SCAPER: variants seen among roughly 807,000 people sequenced by gnomAD.
SCAPER encodes the protein S-phase cyclin A associated protein in the ER, also known as S phase cyclin A-associated protein in the endoplasmic reticulum.
In SCAPER, 98 loss-of-function variants were observed where a neutral mutation model predicts 182.2. That is an observed-to-expected ratio of 0.54 (90% CI 0.46 to 0.64). SCAPER has a LOEUF of 0.64. Ranked by LOEUF, SCAPER falls within the 30% of genes least tolerant of loss-of-function variation. The pLI, the probability that SCAPER is intolerant of heterozygous loss-of-function variation, is 0.00. For missense variants in SCAPER, 1,432 were observed against 1,690.0 expected, an observed-to-expected ratio of 0.85 and a Z score of 2.68; for synonymous variants, 605 against 564.6, an observed-to-expected ratio of 1.07 and a Z score of -1.01.
intron 23 of SCAPER, among the ~76,000 whole-genome samples, chr15:76,507,243 A>T (rs1276957578): frequency 1.3e-5 from 2 of 152,206 alleles, no homozygotes; most frequent in South Asian, 4.1e-4. Context: ...TTACACCTGC[A>T]CAGTCAAGAA....
chr15:76,581,518 C>T (rs142711526), intron 22 of SCAPER, among the ~76,000 whole-genome samples: 3 of 152,266 alleles, frequency 2.0e-5, no homozygotes, highest in Non-Finnish European at 2.9e-5. Context: ...GCAAAGCAAA[C>T]GATGTGATAC....
At chr15:76,802,947 T>C (rs1455520578) in intron 6 of SCAPER, among the ~76,000 whole-genome samples, 1 of 152,234 alleles carries the variant, frequency 6.6e-6, no homozygotes, top group Non-Finnish European at 1.5e-5. Context: ...ATTATCTATT[T>C]CTAGAGTATC....
intron 4 of SCAPER, among the ~76,000 whole-genome samples, chr15:76,851,115 G>T (rs2070713249): frequency 6.6e-6 from 1 of 151,928 alleles, no homozygotes; most frequent in African/African-American, 2.4e-5. Flanking sequence ...GAACTTGAAG[G>T]CTGGCTTTCT....
intron 20 of SCAPER, among the ~76,000 whole-genome samples, chr15:76,687,174 C>T (rs376678095): frequency 5.9e-5 from 9 of 151,962 alleles, no homozygotes; most frequent in African/African-American, 1.9e-4. Flanking sequence ...GGCATTCTTT[C>T]CATTTTGAGT....
chr15:76,374,036 A>G (rs996029825), intron 29 of SCAPER, among the ~76,000 whole-genome samples: 2 of 151,858 alleles, frequency 1.3e-5, no homozygotes, highest in African/African-American at 2.4e-5. Flanking sequence ...TAGGCTAGAT[A>G]AACCTTGCAA....
chr15:76,692,822 T>A (rs1203989086), intron 20 of SCAPER, among the ~76,000 whole-genome samples: 1 of 146,782 alleles, frequency 6.8e-6, no homozygotes, highest in East Asian at 2.0e-4. Context: ...ATAATGGACA[T>A]TAACAAAATA....
chr15:76,499,055 T>C (rs1334623767), intron 24 of SCAPER, among the ~76,000 whole-genome samples: 1 of 152,196 alleles, frequency 6.6e-6, no homozygotes, highest in African/African-American at 2.4e-5. Context: ...CCTACTGATG[T>C]GCTCTTATTC....
intron 23 of SCAPER, among the ~76,000 whole-genome samples, chr15:76,571,571 G>GA (rs2047436568): frequency 6.6e-6 from 1 of 152,094 alleles, no homozygotes; most frequent in African/African-American, 2.4e-5. Context: ...CAGAACTTTA[G>GA]AAAAATTATC....
chr15:76,379,166 CTCACATGCTGATGAAGAG>C (rs2042768501), intron 28 of SCAPER, among the ~76,000 whole-genome samples: 1 of 152,156 alleles, frequency 6.6e-6, no homozygotes, highest in Non-Finnish European at 1.5e-5. Flanking sequence ...TTTAGGTCCC[CTCACATGCTGATGAAGAG>C]TCAGAAAGAA....
At chr15:76,631,917 T>TACCCCTATCAGTC (rs2053148547) in intron 21 of SCAPER, among the ~76,000 whole-genome samples, 1 of 152,228 alleles carries the variant, frequency 6.6e-6, no homozygotes, top group South Asian at 2.1e-4. Context: ...CTCTTTCAGT[T>TACCCCTATCAGTC]ACCCCTATCA....
chr15:76,841,615 C>G, intron 5 of SCAPER, 119 bp downstream of exon 5: 3 of 1,034,706 alleles, frequency 2.9e-6, no homozygotes, highest in Non-Finnish European at 4.2e-6. Flanking sequence ...TCACTACACT[C>G]CAGCCTGGGC....
intron 5 of SCAPER, among the ~76,000 whole-genome samples, chr15:76,830,459 T>A (rs1309301660): frequency 6.6e-6 from 1 of 151,952 alleles, no homozygotes. Flanking sequence ...ATCTAAGCAT[T>A]TTATGACAGC....
At chr15:76,371,458 T>G (rs2042169302) in intron 29 of SCAPER, among the ~76,000 whole-genome samples, 1 of 151,884 alleles carries the variant, frequency 6.6e-6, no homozygotes, top group Non-Finnish European at 1.5e-5. Flanking sequence ...TTGCTGGGAT[T>G]ATAGGCGTGT....
intron 4 of SCAPER, among the ~76,000 whole-genome samples, chr15:76,845,266 A>C (rs1315452205): frequency 6.6e-6 from 1 of 152,198 alleles, no homozygotes; most frequent in Non-Finnish European, 1.5e-5. Context: ...CTAGTATCAT[A>C]CTGAATGTGG....
At chr15:76,567,281 T>G (rs574268219) in intron 23 of SCAPER, 2 of 449,562 alleles carry the variant, frequency 4.4e-6, no homozygotes, top group Non-Finnish European at 8.9e-6. Flanking sequence ...ATAATTTGTA[T>G]CTCCAGCTGT....
chr15:76,583,602 T>C (rs2404736), intron 22 of SCAPER, among the ~76,000 whole-genome samples: 60,551 of 151,976 alleles, frequency 0.4, 13,506 homozygotes, highest in Middle Eastern at 0.52. Context: ...AATTAAAAAA[T>C]GGGCAAAAGA....
chr15:76,475,026 C>T (rs1224429673), intron 24 of SCAPER, among the ~76,000 whole-genome samples: 2 of 152,104 alleles, frequency 1.3e-5, no homozygotes, highest in Non-Finnish European at 2.9e-5. Flanking sequence ...CAACCAGCAC[C>T]ACTTCATTTA....
At chr15:76,425,048 A>C (rs892884687) in intron 26 of SCAPER, among the ~76,000 whole-genome samples, 1 of 152,088 alleles carries the variant, frequency 6.6e-6, no homozygotes. Context: ...GCTGCCCTTA[A>C]CATTCTTCCC....
intron 25 of SCAPER, among the ~76,000 whole-genome samples, chr15:76,438,553 TC>T (rs2047354541): frequency 6.6e-6 from 1 of 152,228 alleles, no homozygotes; most frequent in African/African-American, 2.4e-5. Flanking sequence ...CACCATTTTG[TC>T]AGTTGCTCAT....
Sources: gnomAD v4.1 joint callset for allele counts (sites outside exome capture counted in the v4.1 genomes callset) on GRCh38, gnomAD v4.1.1 for gene constraint, MANE v1.5 for transcripts, NCBI Gene and HGNC (gene_info 2026-07-23, HGNC 2026-07-21) for gene names.